ELN: variants seen among roughly 807,000 people sequenced by gnomAD.
ELN encodes elastin, also known as tropoelastin.
ELN carries 65 observed loss-of-function variants against 105.8 expected under a neutral mutation model. That is an observed-to-expected ratio of 0.61 (90% CI 0.50 to 0.75). The LOEUF is 0.75. Among genes scored for constraint, ELN ranks in the 30% least tolerant of loss-of-function variants. ELN has a pLI of 0.00. For synonymous variants in ELN, 368 were observed against 389.2 expected, an observed-to-expected ratio of 0.95 and a Z score of 0.64; for missense variants, 882 against 969.4, an observed-to-expected ratio of 0.91 and a Z score of 1.20.
chr7:74,046,245 G>C (rs782007324), intron 11 of ELN, 28 bp downstream of exon 11: 1 of 1,614,112 alleles, frequency 6.2e-7, no homozygotes, highest in East Asian at 2.2e-5. Flanking sequence ...GGAGAAGCAG[G>C]GTGGCCAGCC....
Position 74,047,850 on chromosome 7 carries a change from C to T in ELN, c.685+134C>T, listed in dbSNP as rs113904518. ...AGGGTTGGGGTCTTGGAGTGGGAAT[C>T]TCAGAAGGAAAGGGCATGGAATTTG... On this transcript the variant is annotated intron_variant, in intron 13 of 32. Transcript: ENST00000252034. The T allele has an allele frequency of 2.1e-4, 271 of 1,316,722 alleles. 1 individual carries two copies. In the African/African-American group the frequency reaches 3.5e-3, roughly 17 times the overall value. 81.6% of individuals were successfully genotyped at this position (1,316,722 alleles called of 1,614,324 possible).
In ELN at chr7:74,057,600, T is replaced by G. The variant is rs937993977; in HGVS notation, c.1358-40T>G. ...TAGAGATGGGAAGCAGGGAGGGGTG[T>G]GAGAGATTACTCTCTCACCCCTTCT... On this transcript the variant is annotated intron_variant, in intron 21 of 32. Transcript: ENST00000252034. 9.3e-6 allele frequency: 15 copies of G among 1,609,342 alleles called. No individual in the cohort carries two copies. In the African/African-American group the frequency reaches 2.0e-4, roughly 22 times the overall value.
At chr7:74,033,467 A>T (rs1789158948) in intron 1 of ELN, among the ~76,000 whole-genome samples, 2 of 152,242 alleles carry the variant, frequency 1.3e-5, no homozygotes, top group Non-Finnish European at 2.9e-5. Flanking sequence ...TTGGCAGCGG[A>T]TGACAGGGCC....
intron 12 of ELN, among the ~76,000 whole-genome samples, 183 bp downstream of exon 12, chr7:74,046,950 G>T (rs574610235): frequency 6.6e-6 from 1 of 152,312 alleles, no homozygotes; most frequent in South Asian, 2.1e-4. Context: ...CAGGTGTGGT[G>T]GCATAGGCCT....
At chr7:74,052,721 AAGGG>A (rs781821536) in intron 17 of ELN, 3 of 163,248 alleles carry the variant, frequency 1.8e-5, no homozygotes, top group East Asian at 3.5e-4. Context: ...GAAATGAAGG[AAGGG>A]AGGGAGGGAG....
Position 74,047,664 on chromosome 7 carries a change from C to T in ELN, c.644-11C>T. The T allele has an allele frequency of 6.2e-7, 1 of 1,614,166 alleles. No homozygotes were observed. Reference sequence around the variant, plus strand: ...GGGGCAGCCCCTGAGTTTGCTCTGTCCTCTCTCCAGGTGGCTATGGACTGC... The same window carrying T: ...GGGGCAGCCCCTGAGTTTGCTCTGTTCTCTCTCCAGGTGGCTATGGACTGC... On this transcript the variant is annotated splice_polypyrimidine_tract_variant and intron_variant, in intron 12 of 32. Transcript: ENST00000252034.
At chr7:74,052,014 G>T in intron 17 of ELN, 31 bp downstream of exon 17, 1 of 1,611,760 alleles carries the variant, frequency 6.2e-7, no homozygotes, top group Non-Finnish European at 8.5e-7. Flanking sequence ...CAAGTCCACG[G>T]CTCGGGCCCC....
Position 74,051,307 on chromosome 7 carries a change from C to T in ELN, c.800-443C>T, listed in dbSNP as rs138052578. 5.6e-4 allele frequency among the ~76,000 whole-genome samples: 85 copies of T among 152,306 alleles called. 1 individual carries two copies. In the East Asian group the frequency reaches 0.016, roughly 28 times the overall value. On this transcript the variant is annotated intron_variant, in intron 15 of 32. Transcript: ENST00000252034. ...AGCACCCGAGGCTCCTTGGCCCCAG[C>T]GGCTGGTGGGGACGGCTGCAATGTG...
At chr7:74,057,581 T>C (rs1162267576) in intron 21 of ELN, 59 bp from the exon 22 acceptor site, 3 of 1,610,100 alleles carry the variant, frequency 1.9e-6, no homozygotes, top group Non-Finnish European at 2.6e-6. Flanking sequence ...AGCCTAGAGA[T>C]GGGAAGCAGG....
At chr7:74,068,569 T>G in intron 32 of ELN, 88 bp from the exon 33 acceptor site, 1 of 1,541,174 alleles carries the variant, frequency 6.5e-7, no homozygotes, top group Non-Finnish European at 9.0e-7. Flanking sequence ...TCTTGGAGCC[T>G]CCATTCGAGT....
intron 2 of ELN, 37 bp downstream of exon 2, chr7:74,035,451 C>A (rs371988098): frequency 6.2e-6 from 10 of 1,611,270 alleles, no homozygotes; most frequent in Non-Finnish European, 5.9e-6. Flanking sequence ...CCAGGTCATG[C>A]GGATGATGCT....
rs782698181 is a variant in ELN at position 74,041,220 on chromosome 7, C to T, written c.201C>T (p.Pro67=). ...GTCTCTGTTTCTTATCCACAGTTCC[C>T]GGAGGGCTTGCGGGTGCTGGCCTTG... is the stretch of plus-strand genomic sequence containing the variant. ...GPGGKPLKPV[P]GGLAGAGLGA... Residue 67 remains proline (P), a synonymous_variant, in exon 5 of 33, where the codon CCC becomes CCT. Coordinates refer to ENST00000252034, the MANE Select transcript of ELN (RefSeq NM_000501.4). 17 of 1,613,878 alleles carry T rather than the reference C, an allele frequency of 1.1e-5. No homozygotes were observed. The highest frequency in any genetic ancestry group is 2.2e-5 in the East Asian group (1 of 44,894).
In ELN at chr7:74,036,546, C is replaced by T. The variant is rs1483402412; in HGVS notation, c.134-9C>T. ...GATGATCTCTCTTTCTCTTTCTCTC[C>T]CCCCACAGGGGCTGGTCTCGGAGCC... On this transcript the variant is annotated splice_polypyrimidine_tract_variant and intron_variant, in intron 2 of 32. Transcript: ENST00000252034. 1 of 1,613,900 alleles carries T rather than the reference C, an allele frequency of 6.2e-7. No individual in the cohort carries two copies. Among genetic ancestry groups the T allele is most frequent in the African/African-American group, 1.3e-5 (1 of 74,904 alleles).
chr7:74,066,605 A>AG lies in ELN; in HGVS notation c.2087-126dup, dbSNP rs1345768987. The AG allele has an allele frequency of 1.7e-5, 12 of 714,154 alleles. No homozygotes were observed. In the Admixed American group the frequency reaches 2.8e-4, roughly 17 times the overall value. 44.2% of individuals were successfully genotyped at this position (714,154 alleles called of 1,614,324 possible). On this transcript the variant is annotated intron_variant, in intron 31 of 32. Coordinates refer to ENST00000252034, the MANE Select transcript of ELN (RefSeq NM_000501.4). ...TAAAATAAAATATAAAAAATTATAT[A>AG]GTGGGGGGGATGGAGAGGAGGTGAT...
At chr7:74,064,288 G>A (rs545359897) in intron 29 of ELN, among the ~76,000 whole-genome samples, 44 of 151,760 alleles carry the variant, frequency 2.9e-4, no homozygotes, top group Admixed American at 1.5e-3. Context: ...GGTGGCAGAC[G>A]CCTGTAGTCC....
chr7:74,067,983 C>A (rs1020000802), intron 32 of ELN, among the ~76,000 whole-genome samples: 8 of 148,746 alleles, frequency 5.4e-5, no homozygotes, highest in Non-Finnish European at 5.9e-5. Flanking sequence ...GATGTCTGTT[C>A]CTGCCCCACT....
rs782357759 is a variant in ELN at position 74,056,660 on chromosome 7, G to A, written c.1316-12G>A. ...GCTTCTGAGGGTCTCTTTCTTTCTC[G>A]TTTCCTTGTAGCCGAAGCTCAGGCA... On this transcript the variant is annotated splice_polypyrimidine_tract_variant and intron_variant, in intron 20 of 32. Transcript: ENST00000252034. The A allele has an allele frequency of 7.4e-6, 12 of 1,613,678 alleles. 1 individual carries two copies. The highest frequency in any genetic ancestry group is 4.4e-5 in the South Asian group (4 of 91,082).
chr7:74,047,741 G>C (rs1554673412), intron 13 of ELN, 25 bp downstream of exon 13: 1 of 1,614,080 alleles, frequency 6.2e-7, no homozygotes, highest in Admixed American at 1.7e-5. Context: ...TCTAGACTGT[G>C]GGCTTCCAGC....
intron 14 of ELN, 67 bp downstream of exon 14, chr7:74,048,268 G>T: frequency 1.2e-6 from 2 of 1,606,842 alleles, no homozygotes; most frequent in South Asian, 1.1e-5. Context: ...GAGCCCTGGG[G>T]TGGGTGAGGT....
Sources: gnomAD v4.1 joint callset for allele counts (sites outside exome capture counted in the v4.1 genomes callset) on GRCh38, gnomAD v4.1.1 for gene constraint, MANE v1.5 for transcripts, NCBI Gene and HGNC (gene_info 2026-07-23, HGNC 2026-07-21) for gene names.